Variants in LIMCH1 observed in about 807,000 individuals in gnomAD.
The protein encoded by LIMCH1 is LIM and calponin homology domains 1.
A neutral mutation model predicts 176.5 loss-of-function variants in LIMCH1; 113 were observed. The observed-to-expected ratio is 0.64, with a 90% CI of 0.55 to 0.75. The LOEUF (loss-of-function observed/expected upper bound fraction) is 0.75. LIMCH1 is among the 30% of genes least tolerant of loss of function. LIMCH1 has a pLI of 0.00. For synonymous variants in LIMCH1, 619 were observed against 645.9 expected (o/e 0.96, Z 0.63); for missense variants, 1,674 against 1,814.9 (o/e 0.92, Z 1.41).
chr4:41,475,709 G>T (rs2067621345), intron 1 of LIMCH1, among the ~76,000 whole-genome samples: 2 of 151,808 alleles, frequency 1.3e-5, no homozygotes, highest in South Asian at 4.2e-4. Flanking sequence ...CCTGGGGCCT[G>T]TTGGAGGGTG....
chr4:41,696,477 T>A (rs1451308452), intron 31 of LIMCH1, among the ~76,000 whole-genome samples: 5 of 152,204 alleles, frequency 3.3e-5, no homozygotes, highest in Non-Finnish European at 5.9e-5. Flanking sequence ...CTAGATAGGT[T>A]TACCAGATAA....
chr4:41,470,824 C>T (rs1488051107), intron 1 of LIMCH1, among the ~76,000 whole-genome samples: 2 of 151,930 alleles, frequency 1.3e-5, no homozygotes, highest in African/African-American at 4.8e-5. Context: ...TGGCCTCTGA[C>T]CGCATATTTC....
At chr4:41,642,845 C>G (rs1193385490) in intron 14 of LIMCH1, among the ~76,000 whole-genome samples, 1 of 151,106 alleles carries the variant, frequency 6.6e-6, no homozygotes, top group African/African-American at 2.4e-5. Context: ...TCCCAGAGTG[C>G]TGGGATTACA....
At chr4:41,545,348 G>A (rs2079219837) in intron 1 of LIMCH1, among the ~76,000 whole-genome samples, 2 of 152,228 alleles carry the variant, frequency 1.3e-5, no homozygotes, top group African/African-American at 4.8e-5. Flanking sequence ...AAAGCATCAA[G>A]GATCTTTGAG....
upstream of LIMCH1, among the ~76,000 whole-genome samples, chr4:41,360,012 G>T (rs1222687450): frequency 6.9e-6 from 1 of 145,220 alleles, no homozygotes; most frequent in South Asian, 2.2e-4. This position sits in a 1 kb window ranked among gnomAD's most constrained non-coding sequence, Gnocchi z 4.5. Context: ...GGTGTGTGTG[G>T]GTAGGGTGTG....
intron 1 of LIMCH1, among the ~76,000 whole-genome samples, chr4:41,440,125 T>G (rs1258305272): frequency 6.6e-6 from 1 of 152,198 alleles, no homozygotes; most frequent in East Asian, 1.9e-4. Flanking sequence ...TTTTAAAAAT[T>G]ATTAAATAAA....
Position 41,620,661 on chromosome 4 carries a change from G to A in LIMCH1, c.696G>A (p.Lys232=), listed in dbSNP as rs1460111759. 6.5e-7 allele frequency: 1 copy of A among 1,535,964 alleles called. No homozygotes were observed. Among genetic ancestry groups the A allele is most frequent in the Non-Finnish European group, 8.7e-7 (1 of 1,146,826 alleles). Residue 232 remains lysine (K), a synonymous_variant, in exon 7 of 32, where the codon AAG becomes AAA. Transcript: ENST00000503057. ...KRKRLEQAGI[K]VMPAAQRFAS... ...AAAGGCTAGAGCAAGCTGGAATCAA[G>A]GTCATGCCAGCAGCACAGCGCTTTG...
intron 1 of LIMCH1, among the ~76,000 whole-genome samples, chr4:41,449,264 C>A (rs1310063121): frequency 1.3e-5 from 2 of 152,038 alleles, no homozygotes; most frequent in African/African-American, 4.8e-5. Context: ...ACCCCACTAT[C>A]TTGACTTTCC....
chr4:41,673,265 C>T (rs1050144659), intron 22 of LIMCH1, among the ~76,000 whole-genome samples: 3 of 152,110 alleles, frequency 2.0e-5, no homozygotes, highest in Non-Finnish European at 2.9e-5. Flanking sequence ...AACCCCAGAA[C>T]GATCCCAAAG....
chr4:41,558,765 C>G (rs952656606), intron 1 of LIMCH1, among the ~76,000 whole-genome samples: 2 of 152,014 alleles, frequency 1.3e-5, no homozygotes, highest in African/African-American at 4.8e-5. Context: ...ATTTAGAGAC[C>G]ATTTTCTATG....
At chr4:41,430,719 T>G (rs1292173241) in intron 1 of LIMCH1, among the ~76,000 whole-genome samples, 1 of 152,242 alleles carries the variant, frequency 6.6e-6, no homozygotes, top group Non-Finnish European at 1.5e-5. Flanking sequence ...TTTTACATAA[T>G]GTTTGGGTCC....
intron 4 of LIMCH1, among the ~76,000 whole-genome samples, chr4:41,609,132 G>T (rs2091110729): frequency 6.6e-6 from 1 of 152,064 alleles, no homozygotes; most frequent in Non-Finnish European, 1.5e-5. Context: ...GGGGTGAGGG[G>T]TATTACAGGA....
At chr4:41,648,567 T>G (rs1272731688) in intron 17 of LIMCH1, among the ~76,000 whole-genome samples, 3 of 152,062 alleles carry the variant, frequency 2.0e-5, no homozygotes, top group African/African-American at 7.3e-5. Flanking sequence ...ACTGAGTGCA[T>G]GGACAGCAAC....
intron 1 of LIMCH1, among the ~76,000 whole-genome samples, chr4:41,553,651 A>G (rs1306669168): frequency 1.3e-5 from 2 of 152,158 alleles, no homozygotes; most frequent in East Asian, 1.9e-4. Context: ...TCTGAATGAT[A>G]GCAATGAAAG....
chr4:41,612,566 G>C, intron 4 of LIMCH1: 1 of 702,586 alleles, frequency 1.4e-6, no homozygotes. Context: ...TTAATGCTAA[G>C]ACACTGGCGG....
At chr4:41,564,681 AT>A (rs1296430346) in intron 1 of LIMCH1, among the ~76,000 whole-genome samples, 2 of 152,106 alleles carry the variant, frequency 1.3e-5, no homozygotes, top group Non-Finnish European at 2.9e-5. Flanking sequence ...GGAAATCCAA[AT>A]TACCTGAAGG....
At chr4:41,471,403 C>T (rs1216647975) in intron 1 of LIMCH1, among the ~76,000 whole-genome samples, 2 of 152,162 alleles carry the variant, frequency 1.3e-5, no homozygotes, top group Non-Finnish European at 2.9e-5. Flanking sequence ...TATTTCAAAG[C>T]AAGGACTTGA....
At chr4:41,657,260 G>T (rs765840251) in intron 18 of LIMCH1, among the ~76,000 whole-genome samples, 52 of 152,210 alleles carry the variant, frequency 3.4e-4, no homozygotes, top group Non-Finnish European at 6.5e-4. Context: ...CTCCTCTGTT[G>T]AGCTGTAACC....
chr4:41,663,528 A>T (rs2094706590), intron 20 of LIMCH1, among the ~76,000 whole-genome samples: 2 of 152,112 alleles, frequency 1.3e-5, no homozygotes, highest in Non-Finnish European at 2.9e-5. Context: ...ATGCCACTGG[A>T]TTTGGATAAC....
Sources: gnomAD v4.1 joint callset for allele counts (sites outside exome capture counted in the v4.1 genomes callset) on GRCh38, gnomAD v4.1.1 for gene constraint, Gnocchi (gnomAD v3.1) non-coding constraint, MANE v1.5 for transcripts, NCBI Gene and HGNC (gene_info 2026-07-23, HGNC 2026-07-21) for gene names.